The following AFF2 variants were observed in gnomAD, a reference collection of about 807,000 sequenced individuals.
AFF2 encodes AF4/FMR2 family member 2.
Under a neutral mutation model 76.9 loss-of-function variants are expected in AFF2, and 14 were observed. That is an observed-to-expected ratio of 0.18 (90% CI 0.12 to 0.28). The LOEUF (loss-of-function observed/expected upper bound fraction) is 0.28, where lower values mean the gene tolerates loss of function less well. AFF2 is among the 10% of genes least tolerant of loss of function. AFF2 has a pLI of 1.00. For missense variants in AFF2, 868 were observed against 1,001.1 expected, an observed-to-expected ratio of 0.87 and a Z score of 1.79; for synonymous variants, 398 against 366.7, an observed-to-expected ratio of 1.09 and a Z score of -0.98.
chrX:148,867,936 T>G (rs2070927318), intron 7 of AFF2, among the ~76,000 whole-genome samples: 1 of 111,813 alleles, frequency 8.9e-6, no homozygotes, highest in African/African-American at 3.3e-5. Context: ...GGATTTCCAG[T>G]ACTTCCTCAA....
intron 9 of AFF2, among the ~76,000 whole-genome samples, chrX:148,938,418 T>C (rs1458189191): frequency 8.9e-6 from 1 of 112,353 alleles, no homozygotes; most frequent in Non-Finnish European, 1.9e-5. Flanking sequence ...ATCAGACTTA[T>C]ATTACATTCT....
intron 3 of AFF2, among the ~76,000 whole-genome samples, chrX:148,682,705 A>G (rs1194225937): frequency 1.8e-5 from 2 of 111,960 alleles, no homozygotes; most frequent in African/African-American, 3.2e-5. Flanking sequence ...TTACTTACAT[A>G]AAAAAGAAAT....
chrX:148,971,126 GTTT>G (rs142941450), intron 15 of AFF2, among the ~76,000 whole-genome samples: 1 of 69,144 alleles, frequency 1.4e-5, no homozygotes, highest in African/African-American at 5.2e-5. Context: ...TAACTTCATT[GTTT>G]TTTTTTTTTT....
chrX:148,561,095 A>G (rs1557240604), intron 1 of AFF2, among the ~76,000 whole-genome samples: 1 of 112,360 alleles, frequency 8.9e-6, no homozygotes, highest in East Asian at 2.8e-4. Context: ...TTTTGTATCC[A>G]TAATGCCAGC....
intron 1 of AFF2, among the ~76,000 whole-genome samples, chrX:148,631,372 T>A (rs782245430): frequency 4.1e-4 from 46 of 111,778 alleles, no homozygotes; most frequent in Non-Finnish European, 7.0e-4. Context: ...GACTGTCATA[T>A]ATATATAAAT....
chrX:148,571,556 GA>G (rs1250300059), intron 1 of AFF2, among the ~76,000 whole-genome samples: 3 of 111,624 alleles, frequency 2.7e-5, no homozygotes, highest in Non-Finnish European at 3.8e-5. Context: ...ATTGATCAAA[GA>G]GAGGAATTCT....
chrX:148,784,548 C>T (rs781857572), intron 3 of AFF2, among the ~76,000 whole-genome samples: 1 of 111,470 alleles, frequency 9.0e-6, no homozygotes, highest in South Asian at 3.8e-4. Context: ...TGAGGTGAAG[C>T]GTTCCCCAGT....
intron 9 of AFF2, among the ~76,000 whole-genome samples, chrX:148,921,187 T>C: frequency 9.4e-6 from 1 of 106,338 alleles, no homozygotes. Flanking sequence ...TGTCTATTCC[T>C]CTCTTAAACT....
intron 4 of AFF2, among the ~76,000 whole-genome samples, chrX:148,814,055 G>C (rs1258865343): frequency 8.9e-6 from 1 of 112,162 alleles, no homozygotes; most frequent in Non-Finnish European, 1.9e-5. Context: ...TCAGCATGCT[G>C]TTTACTCTTT....
At chrX:148,595,526 T>C (rs1243116866) in intron 1 of AFF2, among the ~76,000 whole-genome samples, 1 of 112,028 alleles carries the variant, frequency 8.9e-6, no homozygotes, top group African/African-American at 3.2e-5. Flanking sequence ...AGTAAATGTA[T>C]TGACAGGATT....
intron 1 of AFF2, among the ~76,000 whole-genome samples, chrX:148,560,669 A>G (rs2053101839): frequency 8.9e-6 from 1 of 112,136 alleles, no homozygotes; most frequent in African/African-American, 3.2e-5. Context: ...TGTATAAGGA[A>G]CTTAAACAAA....
At chrX:148,842,722 C>A (rs1256178016) in intron 5 of AFF2, among the ~76,000 whole-genome samples, 1 of 111,809 alleles carries the variant, frequency 8.9e-6, no homozygotes, top group Non-Finnish European at 1.9e-5. Context: ...GATTAAATGG[C>A]AGTTATGATC....
intron 3 of AFF2, among the ~76,000 whole-genome samples, chrX:148,729,342 A>G (rs2055194701): frequency 8.9e-6 from 1 of 111,885 alleles, no homozygotes; most frequent in Admixed American, 9.5e-5. Flanking sequence ...GAATGTAGAG[A>G]AAGGACATTT....
At chrX:148,833,681 T>A (rs782742999) in intron 4 of AFF2, among the ~76,000 whole-genome samples, 3 of 111,663 alleles carry the variant, frequency 2.7e-5, no homozygotes, top group Non-Finnish European at 5.6e-5. Flanking sequence ...ATTTGCTGTG[T>A]GACCTTGGAC....
At chrX:148,589,723 T>C (rs1343358609) in intron 1 of AFF2, among the ~76,000 whole-genome samples, 1 of 110,644 alleles carries the variant, frequency 9.0e-6, no homozygotes, top group Non-Finnish European at 1.9e-5. Context: ...ACTAGGCACT[T>C]TTCCACCAGC....
intron 3 of AFF2, among the ~76,000 whole-genome samples, chrX:148,674,123 A>G (rs1952754839): frequency 8.9e-6 from 1 of 112,301 alleles, no homozygotes; most frequent in Admixed American, 9.4e-5. Flanking sequence ...ACATAAATGA[A>G]TGGATATGGG....
intron 1 of AFF2, among the ~76,000 whole-genome samples, chrX:148,629,660 A>C (rs1424619444): frequency 3.6e-5 from 4 of 111,794 alleles, no homozygotes; most frequent in Non-Finnish European, 7.5e-5. Flanking sequence ...TTAGAATCAC[A>C]AGGAAGCTTT....
In AFF2 at chrX:148,991,326, G is replaced by C. The variant is rs782469376; in HGVS notation, c.3930G>C (p.Leu1310Phe). The change falls in exon 21 of 21, where the codon TTG becomes TTC. Residue 1310 changes from leucine to phenylalanine, a missense_variant. Transcript: ENST00000370460. Reference sequence around the variant, plus strand: ...GTTGGCTGCGCATCGATGCCCACTTGTTGTAGTGGGTGTTCTCAGATCTCT... The same window carrying C: ...GTTGGCTGCGCATCGATGCCCACTTCTTGTAGTGGGTGTTCTCAGATCTCT... The part of the protein sequence containing the change: ...GLCWLRIDAH[L>F]L 6.7e-6 allele frequency: 8 copies of C among 1,202,078 alleles called. No homozygotes were observed. Among genetic ancestry groups the C allele is most frequent in the East Asian group, 3.0e-5 (1 of 33,461 alleles).
chrX:148,732,349 C>T (rs1229605552), intron 3 of AFF2, among the ~76,000 whole-genome samples: 1 of 94,981 alleles, frequency 1.1e-5, no homozygotes, highest in Non-Finnish European at 2.1e-5. Context: ...ACCGCATATT[C>T]TCACTCATAG....
Sources: gnomAD v4.1 joint callset for allele counts (sites outside exome capture counted in the v4.1 genomes callset) on GRCh38, gnomAD v4.1.1 for gene constraint, MANE v1.5 for transcripts, NCBI Gene and HGNC (gene_info 2026-07-23, HGNC 2026-07-21) for gene names.